CSMD3: variants seen among roughly 807,000 people sequenced by gnomAD.
CSMD3 encodes the protein CUB and Sushi multiple domains 3.
A neutral mutation model predicts 435.2 loss-of-function variants in CSMD3; 177 were observed. That is an observed-to-expected ratio of 0.41 (90% confidence interval 0.36 to 0.46). CSMD3 has a LOEUF of 0.46. Among genes scored for constraint, CSMD3 ranks in the 20% least tolerant of loss-of-function variants. The pLI is 0.34. For synonymous variants in CSMD3, 1,656 were observed against 1,520.5 expected, an observed-to-expected ratio of 1.09 and a Z score of -2.07; for missense variants, 4,265 against 4,504.6, an observed-to-expected ratio of 0.95 and a Z score of 1.52.
intron 3 of CSMD3, among the ~76,000 whole-genome samples, chr8:113,234,276 A>T (rs1168457368): frequency 6.6e-6 from 1 of 152,124 alleles, no homozygotes; most frequent in East Asian, 1.9e-4. Context: ...TCTTACTGAC[A>T]GACACTGGCA....
At chr8:113,381,998 T>C (rs2094417877) in intron 1 of CSMD3, among the ~76,000 whole-genome samples, 1 of 152,186 alleles carries the variant, frequency 6.6e-6, no homozygotes, top group Admixed American at 6.5e-5. Context: ...TTACAGTTAA[T>C]TGAACAAAAT....
At chr8:112,262,414 AAC>A (rs140511688) in intron 61 of CSMD3, among the ~76,000 whole-genome samples, 4,630 of 152,160 alleles carry the variant, frequency 0.03, 236 homozygotes, top group African/African-American at 0.11. Context: ...CAGTGAATAA[AAC>A]AAAAAAAATT....
chr8:112,578,669 T>C (rs1333768646), intron 23 of CSMD3, among the ~76,000 whole-genome samples: 1 of 152,064 alleles, frequency 6.6e-6, no homozygotes, highest in Non-Finnish European at 1.5e-5. Flanking sequence ...ATAACATTTA[T>C]TGCAATACAG....
intron 1 of CSMD3, among the ~76,000 whole-genome samples, chr8:113,320,050 G>A (rs528229818): frequency 6.6e-6 from 1 of 152,116 alleles, no homozygotes; most frequent in South Asian, 2.1e-4. Context: ...TAAAACATGA[G>A]ATAGCAGGAC....
chr8:112,647,236 TA>T (rs897620310), intron 19 of CSMD3, among the ~76,000 whole-genome samples: 2 of 151,304 alleles, frequency 1.3e-5, no homozygotes, highest in East Asian at 1.9e-4. Flanking sequence ...GATGAATATA[TA>T]AAAAAAATTC....
chr8:112,880,436 G>T (rs1389590748), intron 10 of CSMD3, among the ~76,000 whole-genome samples: 1 of 152,028 alleles, frequency 6.6e-6, no homozygotes, highest in Non-Finnish European at 1.5e-5. Flanking sequence ...AACCATAAAA[G>T]AATAGACATT....
intron 38 of CSMD3, among the ~76,000 whole-genome samples, chr8:112,363,516 C>T (rs1041446310): frequency 2.0e-5 from 3 of 151,916 alleles, no homozygotes; most frequent in African/African-American, 7.2e-5. Flanking sequence ...CTTCTATATG[C>T]AGCTAAAAGA....
intron 1 of CSMD3, among the ~76,000 whole-genome samples, chr8:113,358,361 C>CT (rs536368429): frequency 2.2e-3 from 338 of 151,460 alleles, no homozygotes; most frequent in Middle Eastern, 0.01. Flanking sequence ...AAATAGGAAA[C>CT]TTTTTTTTTG....
chr8:113,361,963 A>C (rs1353261500), intron 1 of CSMD3, among the ~76,000 whole-genome samples: 1 of 152,196 alleles, frequency 6.6e-6, no homozygotes, highest in Non-Finnish European at 1.5e-5. Flanking sequence ...ATCTCAAAAG[A>C]AAAATGAGGC....
chr8:112,982,859 G>A (rs879749948), intron 6 of CSMD3, among the ~76,000 whole-genome samples: 1 of 151,754 alleles, frequency 6.6e-6, no homozygotes, highest in Non-Finnish European at 1.5e-5. Flanking sequence ...TTATTTTTCA[G>A]GATATAAACA....
intron 22 of CSMD3, among the ~76,000 whole-genome samples, chr8:112,610,163 T>C (rs76368518): frequency 0.021 from 3,217 of 152,208 alleles, 123 homozygotes; most frequent in African/African-American, 0.072. Context: ...AGATCTTAAA[T>C]ATTCTCATCA....
intron 32 of CSMD3, among the ~76,000 whole-genome samples, chr8:112,467,746 CAGTT>C (rs1242143688): frequency 1.3e-5 from 2 of 152,022 alleles, no homozygotes; most frequent in Non-Finnish European, 2.9e-5. Flanking sequence ...CAGAAACAGA[CAGTT>C]AGGAGAAACG....
At chr8:113,086,351 C>A (rs2089779478) in intron 5 of CSMD3, among the ~76,000 whole-genome samples, 1 of 151,790 alleles carries the variant, frequency 6.6e-6, no homozygotes, top group African/African-American at 2.4e-5. Context: ...AGAATAAATT[C>A]TAACACTATA....
chr8:112,301,503 C>T (rs973547025), intron 53 of CSMD3, among the ~76,000 whole-genome samples: 1 of 151,986 alleles, frequency 6.6e-6, no homozygotes, highest in African/African-American at 2.4e-5. Flanking sequence ...GCGATTAATC[C>T]AGCTGAGTAA....
intron 13 of CSMD3, among the ~76,000 whole-genome samples, chr8:112,794,303 T>A (rs2078769189): frequency 7.1e-6 from 1 of 141,690 alleles, no homozygotes; most frequent in Admixed American, 7.1e-5. Flanking sequence ...TTTTTTTTTT[T>A]TTTTTTTTGA....
chr8:113,197,082 A>G (rs187139835), intron 3 of CSMD3, among the ~76,000 whole-genome samples: 15 of 151,372 alleles, frequency 9.9e-5, no homozygotes, highest in Non-Finnish European at 1.5e-5. Flanking sequence ...CACTGATTAA[A>G]TAGAGTGATA....
Position 112,223,203 on chromosome 8 carries a change from T to C in CSMD3, c.*1568A>G. ...AAAATTTAAAACTGCATCCTGCCAG[T>C]AGAGTACCATGTTGAGAAAATTGTA... On this transcript the variant is annotated 3_prime_UTR_variant, in exon 71 of 71. Transcript: ENST00000297405. 5.1e-6 allele frequency: 2 copies of C among 393,626 alleles called. No individual in the cohort carries two copies. Among genetic ancestry groups the C allele is most frequent in the Non-Finnish European group, 9.0e-6 (2 of 222,574 alleles). 24.4% of individuals were successfully genotyped at this position (393,626 alleles called of 1,614,324 possible).
At chr8:112,834,171 G>T (rs1326286737) in intron 11 of CSMD3, among the ~76,000 whole-genome samples, 2 of 151,896 alleles carry the variant, frequency 1.3e-5, no homozygotes, top group Non-Finnish European at 2.9e-5. Context: ...ATTAAGTGAT[G>T]AATTAATTAC....
chr8:112,980,496 T>C (rs2085010545), intron 6 of CSMD3, among the ~76,000 whole-genome samples: 1 of 151,464 alleles, frequency 6.6e-6, no homozygotes, highest in African/African-American at 2.4e-5. Context: ...ATGTTTAACA[T>C]TAAAACATCT....
Sources: allele counts gnomAD v4.1 joint callset (sites outside exome capture counted in the v4.1 genomes callset), GRCh38; gene constraint gnomAD v4.1.1; transcripts MANE v1.5; gene names NCBI Gene and HGNC (gene_info 2026-07-23, HGNC 2026-07-21).